Variants in PFAS observed in about 807,000 individuals in gnomAD.
PFAS encodes phosphoribosylformylglycinamidine synthase.
A neutral mutation model predicts 140.6 loss-of-function variants in PFAS; 97 were observed. The observed-to-expected ratio is 0.69, with a 90% CI of 0.59 to 0.82. The LOEUF is 0.82. Ranked by LOEUF, PFAS falls within the 40% of genes least tolerant of loss-of-function variation. PFAS has a pLI of 0.00. For missense variants in PFAS, 1,656 were observed against 1,780.2 expected, an observed-to-expected ratio of 0.93 and a Z score of 1.26; for synonymous variants, 679 against 718.8, an observed-to-expected ratio of 0.94 and a Z score of 0.88.
intron 1 of PFAS, among the ~76,000 whole-genome samples, chr17:8,249,710 T>C (rs1185986905): frequency 6.6e-6 from 1 of 152,176 alleles, no homozygotes; most frequent in Non-Finnish European, 1.5e-5. Flanking sequence ...TAGACGGAAA[T>C]CAAGTGGCTT....
At position 8,267,622 on chromosome 17, in the gene PFAS, C is replaced by T. The variant is rs766768438; in HGVS notation, c.3339C>T (p.Phe1113=). ...IGLDTFRGVA[F]VGGFSYADVL... ...TGGACACTTTCCGTGGCGTGGCCTTCGTGGGCGGCTTCAGCTATGCAGATG... is the reference window on the plus strand; with the variant it reads ...TGGACACTTTCCGTGGCGTGGCCTTTGTGGGCGGCTTCAGCTATGCAGATG... Residue 1113 remains phenylalanine (F), a synonymous_variant, in exon 26 of 28, where the codon TTC becomes TTT. Transcript: ENST00000314666. This position sits in a 1 kb window ranked among gnomAD's most constrained non-coding sequence, Gnocchi z 4.9. 1.7e-5 allele frequency: 27 copies of T among 1,612,508 alleles called. No individual in the cohort carries two copies. The highest frequency in any genetic ancestry group is 1.6e-4 in the Middle Eastern group (1 of 6,080).
chr17:8,256,173 T>G, intron 6 of PFAS, 94 bp from the exon 7 acceptor site: 1 of 1,228,836 alleles, frequency 8.1e-7, no homozygotes, highest in African/African-American at 1.5e-5. Flanking sequence ...TGAATTTGGC[T>G]GTAACTCTGC....
chr17:8,265,204 A>G (rs1989762408), intron 18 of PFAS, 79 bp downstream of exon 18: 7 of 1,567,168 alleles, frequency 4.5e-6, no homozygotes, highest in Admixed American at 1.7e-5. Context: ...CCTTCATTTC[A>G]TGTTGCAACC....
At position 8,265,980 on chromosome 17, in the gene PFAS, G is replaced by C; in HGVS notation, c.2664G>C (p.Leu888Phe). The C allele has an allele frequency of 6.2e-7, 1 of 1,613,060 alleles. No individual in the cohort carries two copies. Among genetic ancestry groups the C allele is most frequent in the East Asian group, 2.2e-5 (1 of 44,862 alleles). Residue 888 changes from leucine (L) to phenylalanine (F), a missense_variant, in exon 21 of 28, where the codon TTG (leucine) becomes TTC (phenylalanine). Leu to Phe is a conservative substitution (Grantham distance 22, BLOSUM62 0). This residue lies in a region of PFAS where 883 missense variants were observed against 1,023.0 expected (regional missense o/e 0.86). Coordinates refer to ENST00000314666, the MANE Select transcript of PFAS (RefSeq NM_012393.3). ...HPPDLDLPEN[L>F]VRAFSITQGL... ...CAGACCTGGACCTTCCTGAGAACTT[G>C]GTGCGGGCCTTCAGCATCACTCAGG...
chr17:8,256,068 G>A (rs1211635640), intron 6 of PFAS, among the ~76,000 whole-genome samples, 158 bp downstream of exon 6: 1 of 152,038 alleles, frequency 6.6e-6, no homozygotes, highest in Non-Finnish European at 1.5e-5. Flanking sequence ...TTCAAATCTT[G>A]GTTTTATCTT....
chr17:8,255,090 G>A lies in PFAS; in HGVS notation c.342G>A (p.Gly114=). Residue 114 remains glycine, a synonymous_variant, in exon 4 of 28, where the codon GGG becomes GGA. Coordinates refer to ENST00000314666, the MANE Select transcript of PFAS (RefSeq NM_012393.3). ...IVSVCRATGL[G]PVDRVETTRR... The stretch of plus-strand genomic sequence containing the variant: ...CAGTGTGCCGCGCCACTGGGCTGGG[G>A]CCTGTGGATCGTGTGGAGACCACCC... 1.2e-6 allele frequency: 2 copies of A among 1,613,866 alleles called. No individual in the cohort carries two copies. The highest frequency in any genetic ancestry group is 1.7e-6 in the Non-Finnish European group (2 of 1,179,972).
chr17:8,260,392 A>C (rs1235561412), intron 11 of PFAS, among the ~76,000 whole-genome samples: 1 of 152,210 alleles, frequency 6.6e-6, no homozygotes, highest in Non-Finnish European at 1.5e-5. Context: ...AAATGGAATC[A>C]TACAATATGC....
At chr17:8,260,656 G>A (rs894348828) in intron 11 of PFAS, among the ~76,000 whole-genome samples, 5 of 152,110 alleles carry the variant, frequency 3.3e-5, no homozygotes, top group Admixed American at 6.6e-5. Flanking sequence ...ACGGAGTCTC[G>A]CTCTGTCGCC....
At chr17:8,253,779 T>G (rs942873730) in intron 1 of PFAS, 80 bp from the exon 2 acceptor site, 3 of 1,011,306 alleles carry the variant, frequency 3.0e-6, no homozygotes, top group African/African-American at 3.3e-5. Flanking sequence ...CCTCAGGCAA[T>G]CCACCTGCCT....
intron 4 of PFAS, 85 bp downstream of exon 4, chr17:8,255,217 G>A: frequency 9.5e-7 from 1 of 1,050,096 alleles, no homozygotes. Context: ...AGGGACAGGT[G>A]CTCCTGGCTT....
intron 1 of PFAS, 48 bp from the exon 2 acceptor site, chr17:8,253,811 T>C: frequency 7.2e-7 from 1 of 1,384,922 alleles, no homozygotes; most frequent in Non-Finnish European, 9.5e-7. Flanking sequence ...AGTGCTGGGG[T>C]TACAGATGTG....
At chr17:8,252,598 G>A (rs1326620367) in intron 1 of PFAS, among the ~76,000 whole-genome samples, 1 of 151,706 alleles carries the variant, frequency 6.6e-6, no homozygotes, top group African/African-American at 2.4e-5. Context: ...TAGAGATGAG[G>A]TTTCACCATG....
intron 1 of PFAS, among the ~76,000 whole-genome samples, chr17:8,250,838 A>G (rs925853651): frequency 1.3e-5 from 2 of 152,154 alleles, no homozygotes; most frequent in African/African-American, 4.8e-5. Flanking sequence ...TAGGGTTTTT[A>G]AAAAAGAGTT....
Position 8,264,575 on chromosome 17 carries a change from G to A in PFAS, c.2023G>A (p.Ala675Thr), listed in dbSNP as rs1597427342. 1 of 1,613,204 alleles carries A rather than the reference G, an allele frequency of 6.2e-7. No homozygotes were observed. The highest frequency in any genetic ancestry group is 8.5e-7 in the Non-Finnish European group (1 of 1,179,668). ...LERVLRLPAVASKRYLTNKVD... is the reference protein window; with the variant it reads ...LERVLRLPAVTSKRYLTNKVD... ...GAGGGTTCTGAGGCTGCCCGCCGTG[G>A]CCAGCAAGCGCTACCTCACCAATAA... Residue 675 changes from alanine (A) to threonine (T), a missense_variant, in exon 17 of 28, where the codon GCC becomes ACC. This residue lies in a region of PFAS where 883 missense variants were observed against 1,023.0 expected (regional missense o/e 0.86). Transcript: ENST00000314666.
intron 1 of PFAS, among the ~76,000 whole-genome samples, chr17:8,252,291 C>G (rs993493140): frequency 1.4e-5 from 2 of 144,166 alleles, no homozygotes; most frequent in African/African-American, 5.1e-5. Flanking sequence ...GAATCCATCT[C>G]AAAAAAAAAG....
Position 8,268,246 on chromosome 17 carries a change from G to A in PFAS, c.3383-287G>A, listed in dbSNP as rs1989910481. ...AAATTAGCCAGGCGTGCTGGCGGGC[G>A]CCTGTAATCCCAGCTACTTGGGAGG... On this transcript the variant is annotated intron_variant, in intron 26 of 27. Coordinates refer to ENST00000314666, the MANE Select transcript of PFAS (RefSeq NM_012393.3). Among the ~76,000 whole-genome samples the A allele has an allele frequency of 3.4e-5, 5 of 146,216 alleles. 1 individual carries two copies. The highest frequency in any genetic ancestry group is 4.3e-4 in the South Asian group (2 of 4,618).
Position 8,267,387 on chromosome 17 carries a change from G to A in PFAS, c.3191G>A (p.Arg1064Gln), listed in dbSNP as rs769150645. Reference sequence around the variant, plus strand: ...CTCCCCCAAGGTGGTCCCAGCCCCCGAGTCGCCATCTTGCGAGAGGAGGGC... The same window carrying A: ...CTCCCCCAAGGTGGTCCCAGCCCCCAAGTCGCCATCTTGCGAGAGGAGGGC... ...VPREPGGPSPRVAILREEGSN... is the reference protein window; with the variant it reads ...VPREPGGPSPQVAILREEGSN... The change falls in exon 25 of 28, where the codon CGA (arginine) becomes CAA (glutamine). Residue 1064 changes from arginine to glutamine, a missense_variant. Arg to Gln is a conservative substitution (Grantham distance 43). Coordinates refer to ENST00000314666, the MANE Select transcript of PFAS (RefSeq NM_012393.3). The surrounding 1 kb of genome is among the most constrained non-coding windows in gnomAD (Gnocchi z 4.9). 6.2e-6 allele frequency: 10 copies of A among 1,614,024 alleles called. No individual in the cohort carries two copies. Among genetic ancestry groups the A allele is most frequent in the South Asian group, 1.1e-5 (1 of 91,090 alleles).
Position 8,257,733 on chromosome 17 carries a change from T to G in PFAS, c.1076-74T>G. ...GGTCCTTGGTGGCCTTGACTCTTCC[T>G]GAAGGATGCAGGCTGCTCCGGCCTG... is the stretch of plus-strand genomic sequence containing the variant. On this transcript the variant is annotated intron_variant, in intron 9 of 27. Coordinates refer to ENST00000314666, the MANE Select transcript of PFAS (RefSeq NM_012393.3). The G allele has an allele frequency of 2.6e-6, 4 of 1,531,528 alleles. No homozygotes were observed. In the South Asian group the frequency reaches 3.4e-5, roughly 13 times the overall value. The allele number at this position is 1,531,528 out of a possible 1,614,324, so 94.9% of individuals were successfully genotyped here.
intron 6 of PFAS, 42 bp from the exon 7 acceptor site, chr17:8,256,225 C>G (rs1166205018): frequency 6.2e-7 from 1 of 1,600,382 alleles, no homozygotes; most frequent in Non-Finnish European, 8.5e-7. Flanking sequence ...AGAAATGACC[C>G]CGTTTCCACC....
Sources: allele counts gnomAD v4.1 joint callset (sites outside exome capture counted in the v4.1 genomes callset), GRCh38; gene constraint gnomAD v4.1.1; regional missense constraint gnomAD v4.1.1; non-coding constraint Gnocchi (gnomAD v3.1); transcripts MANE v1.5; gene names NCBI Gene and HGNC (gene_info 2026-07-23, HGNC 2026-07-21).